TCP11L2: variants seen among roughly 807,000 people sequenced by gnomAD.
The protein encoded by TCP11L2 is t-complex 11 like 2, also known as T-complex protein 11-like protein 2.
A neutral mutation model predicts 50.7 loss-of-function variants in TCP11L2; 39 were observed. That is an observed-to-expected ratio of 0.77 (90% CI 0.60 to 1.01). The LOEUF (loss-of-function observed/expected upper bound fraction) is 1.01. TCP11L2 is among the 50% of genes least tolerant of loss of function. TCP11L2 has a pLI of 0.00. For missense variants in TCP11L2, 612 were observed against 614.7 expected (o/e 1.00, Z 0.05); for synonymous variants, 192 against 219.3 (o/e 0.88, Z 1.10).
intron 8 of TCP11L2, among the ~76,000 whole-genome samples, chr12:106,340,108 T>G (rs979959975): frequency 6.6e-6 from 1 of 152,228 alleles, no homozygotes; most frequent in Non-Finnish European, 1.5e-5. Flanking sequence ...TTAATTCCCA[T>G]TTTGCAGAGT....
Position 106,346,302 on chromosome 12 carries a change from T to C in TCP11L2, c.1332T>C (p.Leu444=). ...IWSLIDKRIK[L]YMRRLLCLPS... Reference sequence around the variant, plus strand: ...CCCCTTCAGATAAACGAATTAAGCTTTACATGAGAAGGCTACTTTGTCTTC... The same window carrying C: ...CCCCTTCAGATAAACGAATTAAGCTCTACATGAGAAGGCTACTTTGTCTTC... The change falls in exon 10 of 10, where the codon CTT becomes CTC. Residue 444 remains leucine, a synonymous_variant. Transcript: ENST00000299045. The C allele has an allele frequency of 1.9e-6, 3 of 1,610,664 alleles. No homozygotes were observed. Among genetic ancestry groups the C allele is most frequent in the Non-Finnish European group, 2.5e-6 (3 of 1,178,032 alleles).
rs1158177694 is a variant in TCP11L2 at position 106,340,806 on chromosome 12, T to C, written c.1143-20T>C. 6.4e-7 allele frequency: 1 copy of C among 1,555,100 alleles called. No homozygotes were observed. Among genetic ancestry groups the C allele is most frequent in the Non-Finnish European group, 8.6e-7 (1 of 1,156,194 alleles). On this transcript the variant is annotated intron_variant, in intron 8 of 9. Transcript: ENST00000299045. ...TGAACAAAAACTTTCCCTGGTGGAA[T>C]TTCATTTTATGTTTCATAGGACCTT...
intron 1 of TCP11L2, among the ~76,000 whole-genome samples, chr12:106,307,980 A>G (rs571739241): frequency 2.0e-5 from 3 of 152,246 alleles, no homozygotes; most frequent in Non-Finnish European, 2.9e-5. Context: ...CAAATTTTTA[A>G]TAGAGTAATA....
upstream of TCP11L2, among the ~76,000 whole-genome samples, chr12:106,302,478 G>C (rs958753718): frequency 3.4e-5 from 5 of 147,498 alleles, no homozygotes; most frequent in Middle Eastern, 3.2e-3. Context: ...GGGCGCTCCC[G>C]TCGGCTCGGC....
At chr12:106,333,161 A>G (rs1447066655) in intron 6 of TCP11L2, among the ~76,000 whole-genome samples, 1 of 152,180 alleles carries the variant, frequency 6.6e-6, no homozygotes, top group Non-Finnish European at 1.5e-5. Context: ...TATTGTACCC[A>G]TGTCAGTTTC....
intron 3 of TCP11L2, among the ~76,000 whole-genome samples, chr12:106,314,948 G>T (rs1291097111): frequency 1.3e-5 from 2 of 150,302 alleles, no homozygotes; most frequent in African/African-American, 4.9e-5. Flanking sequence ...AGGGACTGCA[G>T]TGAGCTCTCA....
intron 4 of TCP11L2, among the ~76,000 whole-genome samples, chr12:106,319,215 G>T (rs1275937582): frequency 3.3e-5 from 5 of 152,012 alleles, no homozygotes; most frequent in African/African-American, 7.2e-5. Flanking sequence ...CCAGCCTAGG[G>T]TCTCTTTTAT....
intron 2 of TCP11L2, 152 bp from the exon 3 acceptor site, chr12:106,314,206 A>T: frequency 1.6e-6 from 1 of 628,450 alleles, no homozygotes; most frequent in East Asian, 2.8e-5. Flanking sequence ...TTATTAACTG[A>T]GGGAATTCAC....
Position 106,314,429 on chromosome 12 carries a change from C to A in TCP11L2, c.229C>A (p.Leu77Ile), listed in dbSNP as rs1450968016. ...ATARNLSNLT[L>I]AHEIAVNENF... ...AGCAAGGAACTTATCAAACTTGACT[C>A]TTGCTCATGAGATTGCTGTAAATGA... is the stretch of plus-strand genomic sequence containing the variant. Residue 77 changes from leucine (L) to isoleucine (I), a missense_variant, in exon 3 of 10, where the codon CTT becomes ATT. Transcript: ENST00000299045. 1 of 1,613,850 alleles carries A rather than the reference C, an allele frequency of 6.2e-7. No individual in the cohort carries two copies. Among genetic ancestry groups the A allele is most frequent in the Non-Finnish European group, 8.5e-7 (1 of 1,179,816 alleles).
chr12:106,305,088 G>A (rs1447331377), intron 1 of TCP11L2, among the ~76,000 whole-genome samples: 4 of 152,182 alleles, frequency 2.6e-5, no homozygotes, highest in Non-Finnish European at 5.9e-5. Context: ...GAGTGGTAGA[G>A]AGCATGGGTT....
At position 106,326,606 on chromosome 12, in the gene TCP11L2, G is replaced by A. The variant is rs148317986; in HGVS notation, c.772+2960G>A. Among the ~76,000 whole-genome samples, 572 of 152,262 alleles carry A rather than the reference G, an allele frequency of 3.8e-3. 4 individuals carry two copies. Among genetic ancestry groups the A allele is most frequent in the African/African-American group, 0.013 (553 of 41,540 alleles). On this transcript the variant is annotated intron_variant, in intron 6 of 9. Transcript: ENST00000299045. ...GCATCACACTAGCCCTATGAGGTTG[G>A]TACTGTTATCACCCCCTAATACAAC...
upstream of TCP11L2, among the ~76,000 whole-genome samples, chr12:106,297,980 G>A (rs551009915): frequency 8.7e-4 from 133 of 152,356 alleles, no homozygotes; most frequent in Admixed American, 2.0e-3. Context: ...CAGGTAAGAG[G>A]AAGGGGCCCA....
rs549223173 is a variant in TCP11L2, at chr12:106,338,753, G to A, written c.1143-2073G>A. Among the ~76,000 whole-genome samples the A allele has an allele frequency of 5.9e-5, 9 of 152,352 alleles. No individual in the cohort carries two copies. The East Asian group carries it at 1.7e-3, about 29-fold the overall frequency. On this transcript the variant is annotated intron_variant, in intron 8 of 9. Transcript: ENST00000299045. Reference sequence around the variant, plus strand: ...AGAAATCTCCAAACTGCTTTCCACAGTGGCTGAACTAATTTACATTCCCAC... The same window carrying A: ...AGAAATCTCCAAACTGCTTTCCACAATGGCTGAACTAATTTACATTCCCAC...
In TCP11L2 at chr12:106,314,340, C is replaced by T. The variant is rs749859497; in HGVS notation, c.158-18C>T. ...ACTTTTCTTCTGCAACATTAACTGGCTTTTGTTTTTCTTTCAGCAACAAGC... is the reference window on the plus strand; with the variant it reads ...ACTTTTCTTCTGCAACATTAACTGGTTTTTGTTTTTCTTTCAGCAACAAGC... On this transcript the variant is annotated intron_variant, in intron 2 of 9. Transcript: ENST00000299045. The T allele has an allele frequency of 1.9e-5, 30 of 1,592,834 alleles. No individual in the cohort carries two copies. In the African/African-American group the frequency reaches 3.8e-4, roughly 20 times the overall value.
At position 106,339,340 on chromosome 12, in the gene TCP11L2, T is replaced by C. The variant is rs371726904; in HGVS notation, c.1143-1486T>C. Among the ~76,000 whole-genome samples the C allele has an allele frequency of 3.3e-5, 5 of 152,318 alleles. No homozygotes were observed. In the East Asian group the frequency reaches 9.6e-4, roughly 29 times the overall value. The stretch of plus-strand genomic sequence containing the variant: ...TTTTTTAATGAGGTCGTTTTTTGCT[T>C]GTCGAGTGTTTAAGTTCCTTGTAGA... On this transcript the variant is annotated intron_variant, in intron 8 of 9. Coordinates refer to ENST00000299045, the MANE Select transcript of TCP11L2 (RefSeq NM_152772.3).
chr12:106,318,323 C>A, intron 3 of TCP11L2, 21 bp from the exon 4 acceptor site: 1 of 1,604,580 alleles, frequency 6.2e-7, no homozygotes, highest in Non-Finnish European at 8.5e-7. Context: ...TTTTAAAAAA[C>A]AATTCATTTT....
intron 6 of TCP11L2, among the ~76,000 whole-genome samples, chr12:106,334,681 G>T (rs997891120): frequency 1.3e-5 from 2 of 152,092 alleles, no homozygotes; most frequent in African/African-American, 4.8e-5. Flanking sequence ...AGTGGCTCAC[G>T]CCTGTAATCC....
At chr12:106,318,931 G>A (rs866766821) in intron 4 of TCP11L2, among the ~76,000 whole-genome samples, 1 of 150,036 alleles carries the variant, frequency 6.7e-6, no homozygotes, top group Middle Eastern at 3.4e-3. Context: ...TTGAGACGGA[G>A]TCTCACTCTG....
intron 3 of TCP11L2, among the ~76,000 whole-genome samples, chr12:106,317,866 T>G (rs996173607): frequency 6.6e-6 from 1 of 152,228 alleles, no homozygotes; most frequent in East Asian, 1.9e-4. Flanking sequence ...TTTCACCAGT[T>G]TGGTCTGGCT....
Sources: gnomAD v4.1 joint callset for allele counts (sites outside exome capture counted in the v4.1 genomes callset) on GRCh38, gnomAD v4.1.1 for gene constraint, MANE v1.5 for transcripts, NCBI Gene and HGNC (gene_info 2026-07-23, HGNC 2026-07-21) for gene names.